The following CACNA1C variants were observed in gnomAD, a reference collection of about 807,000 sequenced individuals.
CACNA1C encodes voltage-dependent L-type calcium channel subunit alpha-1C.
CACNA1C carries 30 observed loss-of-function variants against 229.0 expected under a neutral mutation model. The observed-to-expected ratio is 0.13, with a 90% CI of 0.10 to 0.18. The LOEUF (loss-of-function observed/expected upper bound fraction) is 0.18, where lower values mean the gene tolerates loss of function less well. Among genes scored for constraint, CACNA1C ranks in the 10% least tolerant of loss-of-function variants. The pLI, the probability that CACNA1C is intolerant of heterozygous loss-of-function variation, is 1.00. For missense variants in CACNA1C, 1,658 were observed against 2,845.0 expected (o/e 0.58, Z 9.49); for synonymous variants, 1,114 against 1,132.5 (o/e 0.98, Z 0.33).
intron 13 of CACNA1C, among the ~76,000 whole-genome samples, chr12:2,573,772 T>G (rs2057315718): frequency 6.6e-6 from 1 of 152,186 alleles, no homozygotes; most frequent in South Asian, 2.1e-4. Flanking sequence ...CTTTAAAAAA[T>G]AAAACAAATT....
At chr12:2,547,414 C>T in intron 9 of CACNA1C, 1 of 778,828 alleles carries the variant, frequency 1.3e-6, no homozygotes, top group Non-Finnish European at 2.4e-6. Flanking sequence ...ATGTCTTGTT[C>T]CTGGTTCTTG....
rs2095227265 is a variant in CACNA1C, at chr12:2,653,500, G to A, written c.4075-335G>A. On this transcript the variant is annotated intron_variant, in intron 32 of 46. Coordinates refer to ENST00000399655, the MANE Select transcript of CACNA1C (RefSeq NM_000719.7). The surrounding 1 kb of genome is among the most constrained non-coding windows in gnomAD (Gnocchi z 4.7). ...AGGTAACCACAGTCAGCGGGGTGCT[G>A]TCCTCCACGATTTCTCCTGCCTCGT... is the stretch of plus-strand genomic sequence containing the variant. Among the ~76,000 whole-genome samples the A allele has an allele frequency of 6.6e-6, 1 of 152,212 alleles. No homozygotes were observed. Among genetic ancestry groups the A allele is most frequent in the Non-Finnish European group, 1.5e-5 (1 of 68,034 alleles).
At chr12:2,672,494 A>G (rs755831911) in intron 38 of CACNA1C, among the ~76,000 whole-genome samples, 3 of 152,210 alleles carry the variant, frequency 2.0e-5, no homozygotes, top group Non-Finnish European at 2.9e-5. Context: ...AGGTGTCAGC[A>G]GAGTTGGTTC....
intron 3 of CACNA1C, among the ~76,000 whole-genome samples, chr12:2,192,114 CCCCT>C (rs1362546911): frequency 6.6e-6 from 1 of 152,156 alleles, no homozygotes; most frequent in Admixed American, 6.6e-5. Flanking sequence ...ACACACACAC[CCCCT>C]CCCTCCCTCT....
intron 3 of CACNA1C, among the ~76,000 whole-genome samples, chr12:2,120,800 T>C (rs770874098): frequency 6.6e-6 from 1 of 151,808 alleles, no homozygotes; most frequent in Non-Finnish European, 1.5e-5. Context: ...TGTATTTCCT[T>C]TGAATGTCTT....
chr12:2,679,521 C>A lies in CACNA1C; in HGVS notation c.5169C>A (p.Thr1723=), dbSNP rs781317370. The change falls in exon 42 of 47, where the codon ACC becomes ACA. Residue 1723 remains threonine, a synonymous_variant. Coordinates refer to ENST00000399655, the MANE Select transcript of CACNA1C (RefSeq NM_000719.7). This position sits in a 1 kb window ranked among gnomAD's most constrained non-coding sequence, Gnocchi z 5.5. Reference sequence around the variant, plus strand: ...GGAGCGCCTTCCCCCAGACCTTCACCACTCAGCGCCCGCTGCACATCAACA... The same window carrying A: ...GGAGCGCCTTCCCCCAGACCTTCACAACTCAGCGCCCGCTGCACATCAACA... ...DGRSAFPQTF[T]TQRPLHINKA... 26 of 1,612,116 alleles carry A rather than the reference C, an allele frequency of 1.6e-5. No individual in the cohort carries two copies. The highest frequency in any genetic ancestry group is 2.2e-5 in the Non-Finnish European group (26 of 1,178,928).
intron 29 of CACNA1C, among the ~76,000 whole-genome samples, chr12:2,629,716 C>T (rs961472307): frequency 1.3e-5 from 2 of 152,210 alleles, no homozygotes; most frequent in African/African-American, 2.4e-5. Flanking sequence ...ATATCTCCAA[C>T]GATGGAGCCA....
chr12:2,673,127 C>T lies in CACNA1C; in HGVS notation c.4727-1414C>T, dbSNP rs142559502. ...TCCTATGCGAGAGCAGTAAACATCC[C>T]GTGTTGGTTTCCTACTGCTGCAAAG... On this transcript the variant is annotated intron_variant, in intron 38 of 46. Transcript: ENST00000399655. 3.3e-3 allele frequency among the ~76,000 whole-genome samples: 509 copies of T among 152,328 alleles called. 2 individuals carry two copies. Among genetic ancestry groups the T allele is most frequent in the African/African-American group, 0.012 (482 of 41,568 alleles).
At chr12:2,295,735 G>A (rs1378509247) in intron 3 of CACNA1C, among the ~76,000 whole-genome samples, 1 of 152,220 alleles carries the variant, frequency 6.6e-6, no homozygotes, top group Non-Finnish European at 1.5e-5. Flanking sequence ...TAACCAACCT[G>A]TGTCTTGGCA....
At chr12:2,200,578 C>T (rs957644735) in intron 3 of CACNA1C, among the ~76,000 whole-genome samples, 2 of 152,148 alleles carry the variant, frequency 1.3e-5, no homozygotes, top group African/African-American at 2.4e-5. Context: ...TCTGAGGATA[C>T]GGTGGTGACA....
intron 20 of CACNA1C, among the ~76,000 whole-genome samples, chr12:2,596,462 G>A (rs1279103403): frequency 6.6e-6 from 1 of 152,194 alleles, no homozygotes; most frequent in Non-Finnish European, 1.5e-5. Flanking sequence ...CAAGGCTCTG[G>A]TGAACAATAT....
intron 3 of CACNA1C, among the ~76,000 whole-genome samples, chr12:2,418,129 C>A (rs1028657540): frequency 1.2e-4 from 19 of 152,162 alleles, no homozygotes; most frequent in Non-Finnish European, 2.2e-4. Flanking sequence ...TCAGCTCGCT[C>A]AGCTGCATAG....
At chr12:2,526,735 A>G (rs1261152910) in intron 9 of CACNA1C, among the ~76,000 whole-genome samples, 1 of 152,252 alleles carries the variant, frequency 6.6e-6, no homozygotes, top group Non-Finnish European at 1.5e-5. Flanking sequence ...GACTGGAGTG[A>G]TAGAGTAGCA....
intron 1 of CACNA1C, among the ~76,000 whole-genome samples, chr12:2,035,183 A>G (rs753179465): frequency 9.2e-5 from 14 of 152,222 alleles, no homozygotes; most frequent in African/African-American, 1.4e-4. Context: ...GTCTGCGCCA[A>G]GGCACGTTCT....
chr12:2,612,584 G>A (rs1031509842), intron 29 of CACNA1C: 3 of 152,398 alleles, frequency 2.0e-5, no homozygotes, highest in African/African-American at 7.2e-5. Context: ...CTCTGGGGCA[G>A]GAAGAACAAT....
At position 2,417,696 on chromosome 12, in the gene CACNA1C, T is replaced by C. The variant is rs1403906734; in HGVS notation, c.478-31280T>C. On this transcript the variant is annotated intron_variant, in intron 3 of 46. Transcript: ENST00000399655. Reference sequence around the variant, plus strand: ...ATCCCTCCCAGGTAGCAGAACGTTCTCATTCAGTTAAAAATCTCATCTCCT... The same window carrying C: ...ATCCCTCCCAGGTAGCAGAACGTTCCCATTCAGTTAAAAATCTCATCTCCT... 2.6e-5 allele frequency among the ~76,000 whole-genome samples: 4 copies of C among 152,188 alleles called. No individual in the cohort carries two copies. The East Asian group carries it at 7.8e-4, about 30-fold the overall frequency.
chr12:2,391,547 G>A (rs924577676), intron 3 of CACNA1C, among the ~76,000 whole-genome samples: 2 of 142,422 alleles, frequency 1.4e-5, no homozygotes, highest in African/African-American at 4.9e-5. Flanking sequence ...TGGGAATGCT[G>A]GATGAGCAGT....
intron 42 of CACNA1C, among the ~76,000 whole-genome samples, chr12:2,681,026 C>T (rs1037153197): frequency 2.0e-5 from 3 of 152,154 alleles, no homozygotes; most frequent in Admixed American, 6.5e-5. Flanking sequence ...TTCTCTGCAA[C>T]CTCACTCCCC....
chr12:2,282,917 T>C (rs1367548381), intron 3 of CACNA1C, among the ~76,000 whole-genome samples: 1 of 152,186 alleles, frequency 6.6e-6, no homozygotes, highest in Non-Finnish European at 1.5e-5. Flanking sequence ...TTCAAGCTGA[T>C]TTCCTTATGG....
Sources: allele counts gnomAD v4.1 joint callset (sites outside exome capture counted in the v4.1 genomes callset), GRCh38; gene constraint gnomAD v4.1.1; non-coding constraint Gnocchi (gnomAD v3.1); transcripts MANE v1.5; gene names NCBI Gene and HGNC (gene_info 2026-07-23, HGNC 2026-07-21).